The following MAF variants were observed in gnomAD, a reference collection of about 807,000 sequenced individuals.
The protein encoded by MAF is MAF bZIP transcription factor.
A neutral mutation model predicts 22.0 loss-of-function variants in MAF; 10 were observed. The ratio of observed to expected loss-of-function variants is 0.45; its 90% CI spans 0.28 to 0.77. The LOEUF is 0.77. Ranked by LOEUF, MAF falls within the 30% of genes least tolerant of loss-of-function variation. MAF has a pLI of 0.12. For synonymous variants in MAF, 337 were observed against 255.8 expected, an observed-to-expected ratio of 1.32 and a Z score of -3.03; for missense variants, 544 against 548.4, an observed-to-expected ratio of 0.99 and a Z score of 0.08.
At chr16:79,316,732 C>T in the MAF span, among the ~76,000 whole-genome samples, 12,715 of 152,016 alleles carry the variant, frequency 0.084, 1,234 homozygotes, top group East Asian at 0.4. Context: ...TTCAGTTGGC[C>T]TTACAGAGTT....
chr16:79,550,930 C>T, the MAF span, among the ~76,000 whole-genome samples: 1 of 152,128 alleles, frequency 6.6e-6, no homozygotes, highest in African/African-American at 2.4e-5. Flanking sequence ...GCATATGGGG[C>T]CACTGCAGAC....
the MAF span, among the ~76,000 whole-genome samples, chr16:79,233,087 A>T: frequency 0.026 from 3,907 of 151,564 alleles, 161 homozygotes; most frequent in African/African-American, 0.09. Flanking sequence ...TGATCTGCCC[A>T]CCTCGGCCTC....
the MAF span, chr16:79,211,892 C>G: frequency 1.5e-5 from 23 of 1,570,456 alleles, no homozygotes; most frequent in Non-Finnish European, 2.0e-5. Context: ...CCCTCCAACA[C>G]AGATCCGCAA....
chr16:79,481,668 T>C, the MAF span, among the ~76,000 whole-genome samples: 38 of 151,512 alleles, frequency 2.5e-4, no homozygotes, highest in Non-Finnish European at 1.5e-5. Context: ...ACCTATGCAT[T>C]CATCCACCAA....
the MAF span, among the ~76,000 whole-genome samples, chr16:79,234,137 C>G: frequency 1.3e-5 from 2 of 152,202 alleles, no homozygotes; most frequent in Admixed American, 6.6e-5. Context: ...TCTCAAGGTG[C>G]CAGTGGCCCT....
chr16:79,477,434 C>T, the MAF span, among the ~76,000 whole-genome samples: 6 of 152,108 alleles, frequency 3.9e-5, no homozygotes, highest in Admixed American at 6.5e-5. Context: ...GGCTGTCTTG[C>T]GTAGGAAACA....
the MAF span, among the ~76,000 whole-genome samples, chr16:79,526,210 C>A: frequency 6.6e-6 from 1 of 152,108 alleles, no homozygotes; most frequent in Admixed American, 6.6e-5. Context: ...TTGTGGAAGA[C>A]AATTTTTCCA....
the MAF span, among the ~76,000 whole-genome samples, chr16:79,382,961 A>G: frequency 6.6e-6 from 1 of 152,220 alleles, no homozygotes; most frequent in African/African-American, 2.4e-5. Context: ...TCATTCATTC[A>G]TTCATTCACT....
chr16:79,573,506 T>C, the MAF span, among the ~76,000 whole-genome samples: 12 of 152,232 alleles, frequency 7.9e-5, no homozygotes, highest in South Asian at 2.5e-3. Flanking sequence ...AAAGCATTGA[T>C]CAAACAGGAC....
At chr16:79,509,734 C>T in the MAF span, among the ~76,000 whole-genome samples, 8 of 152,342 alleles carry the variant, frequency 5.3e-5, no homozygotes, top group East Asian at 9.7e-4. Flanking sequence ...TCTGGGGATG[C>T]GTGCTCTTTT....
chr16:79,544,003 T>C, the MAF span, among the ~76,000 whole-genome samples: 112 of 152,272 alleles, frequency 7.4e-4, no homozygotes, highest in African/African-American at 2.4e-3. Flanking sequence ...TCTTTTCTTG[T>C]ACCAAGGTAG....
chr16:79,464,043 C>T, the MAF span, among the ~76,000 whole-genome samples: 105 of 151,906 alleles, frequency 6.9e-4, 1 homozygote, highest in South Asian at 0.016. Flanking sequence ...AGGAAGGGAT[C>T]GGGAGCAGAT....
chr16:79,209,431 C>G, the MAF span, among the ~76,000 whole-genome samples: 1 of 152,212 alleles, frequency 6.6e-6, no homozygotes. Context: ...CTGCTTTGGT[C>G]TTTCCTCACG....
At chr16:79,418,113 G>A in the MAF span, among the ~76,000 whole-genome samples, 1 of 152,134 alleles carries the variant, frequency 6.6e-6, no homozygotes, top group Non-Finnish European at 1.5e-5. Flanking sequence ...AAGAAAACAG[G>A]GACCTATCTT....
the MAF span, among the ~76,000 whole-genome samples, chr16:79,507,447 CAG>C: frequency 7.5e-6 from 1 of 133,448 alleles, no homozygotes; most frequent in South Asian, 2.4e-4. Context: ...TTTTTTGAGA[CAG>C]AGTCTCACTC....
the MAF span, among the ~76,000 whole-genome samples, chr16:79,214,703 CTTTTTTTTTTTTTTTT>C: frequency 4.6e-5 from 2 of 43,072 alleles, no homozygotes; most frequent in Non-Finnish European, 8.2e-5. Flanking sequence ...CTGTGCCTGG[CTTTTTTTTTTTTTTTT>C]TTTTTTTTTT....
chr16:79,525,294 G>C, the MAF span, among the ~76,000 whole-genome samples: 39 of 152,194 alleles, frequency 2.6e-4, no homozygotes, highest in Admixed American at 2.6e-3. Flanking sequence ...TGGGTAAAGT[G>C]ATAGTCCAGA....
the MAF span, among the ~76,000 whole-genome samples, chr16:79,247,627 T>C: frequency 2.1e-3 from 319 of 152,276 alleles, no homozygotes; most frequent in Admixed American, 3.7e-3. Flanking sequence ...TGGGTGGCTA[T>C]TTGCAAACTG....
the MAF span, among the ~76,000 whole-genome samples, chr16:79,557,332 G>A: frequency 6.6e-6 from 1 of 152,010 alleles, no homozygotes; most frequent in Non-Finnish European, 1.5e-5. Flanking sequence ...TGGAAGAGGA[G>A]AAAATAAGCT....
Sources: gnomAD v4.1 joint callset for allele counts (sites outside exome capture counted in the v4.1 genomes callset) on GRCh38, gnomAD v4.1.1 for gene constraint, MANE v1.5 for transcripts, NCBI Gene and HGNC (gene_info 2026-07-23, HGNC 2026-07-21) for gene names.